Variants in TACO1 observed in about 807,000 individuals in gnomAD.
TACO1 encodes the protein translational activator of cytochrome c oxidase I.
Under a neutral mutation model 24.0 loss-of-function variants are expected in TACO1, and 13 were observed. The ratio of observed to expected loss-of-function variants is 0.54; its 90% CI spans 0.35 to 0.86. The LOEUF (loss-of-function observed/expected upper bound fraction) is 0.86. TACO1 is among the 40% of genes least tolerant of loss of function. The pLI is 0.01. For missense variants in TACO1, 352 were observed against 380.1 expected, an observed-to-expected ratio of 0.93 and a Z score of 0.61; for synonymous variants, 149 against 153.5, an observed-to-expected ratio of 0.97 and a Z score of 0.22.
At chr17:63,607,159 G>A (rs182035214) in intron 3 of TACO1, 128 bp from the exon 4 acceptor site, 27 of 877,508 alleles carry the variant, frequency 3.1e-5, no homozygotes, top group Admixed American at 1.2e-4. Context: ...TTGAGGATGC[G>A]ATCTGCTCCA....
At chr17:63,607,765 C>A in intron 4 of TACO1, 37 bp from the exon 5 acceptor site, 1 of 1,595,760 alleles carries the variant, frequency 6.3e-7, no homozygotes, top group South Asian at 1.1e-5. Context: ...CTCATTACCT[C>A]CTGGCTCCTC....
Position 63,607,840 on chromosome 17 carries a change from G to T in TACO1, c.732G>T (p.Lys244Asn). ...CDASSLHQVRKKLDSLGLCSV... is the reference protein window; with the variant it reads ...CDASSLHQVRNKLDSLGLCSV... ...CCTCTTCACTGCACCAAGTGAGGAA[G>T]AAGCTGGACTCCCTGGGCCTGTGTT... The change falls in exon 5 of 5, where the codon AAG (lysine) becomes AAT (asparagine). Residue 244 changes from lysine (K) to asparagine (N), a missense_variant. Transcript: ENST00000258975. 1.2e-6 allele frequency: 2 copies of T among 1,614,168 alleles called. No homozygotes were observed. Among genetic ancestry groups the T allele is most frequent in the Non-Finnish European group, 1.7e-6 (2 of 1,180,038 alleles).
At chr17:63,605,158 A>G (rs2033853344) in intron 2 of TACO1, among the ~76,000 whole-genome samples, 1 of 152,196 alleles carries the variant, frequency 6.6e-6, no homozygotes, top group Non-Finnish European at 1.5e-5. Flanking sequence ...ATGCAGGGCC[A>G]TACAGTCAAG....
rs1273312988 is a variant in TACO1 at position 63,601,098 on chromosome 17, TGCTGCCAGCCTAAGCAGGGCC to T, written c.22_42del (p.Ser8_Ala14del). Reference sequence around the variant, plus strand: ...GGTCGGGACCGATGTCGGCTTGGGCTGCTGCCAGCCTAAGCAGGGCCGCTGCCCGATGCTTGCTGGCACGAG... The same window carrying T: ...GGTCGGGACCGATGTCGGCTTGGGCTGCTGCCCGATGCTTGCTGGCACGAG... On this transcript the variant is annotated inframe_deletion, in exon 1 of 5. Transcript: ENST00000258975. The T allele has an allele frequency of 7.1e-6, 11 of 1,541,608 alleles. No individual in the cohort carries two copies. Among genetic ancestry groups the T allele is most frequent in the Non-Finnish European group, 8.7e-6 (10 of 1,146,028 alleles).
chr17:63,606,803 C>A (rs1598045764), intron 3 of TACO1: 1 of 366,240 alleles, frequency 2.7e-6, no homozygotes, highest in East Asian at 6.9e-5. Flanking sequence ...CCTGCCTCAG[C>A]CTCCCAAAGT....
At chr17:63,605,511 G>A (rs1024164538) in intron 2 of TACO1, among the ~76,000 whole-genome samples, 8 of 152,178 alleles carry the variant, frequency 5.3e-5, no homozygotes, top group Non-Finnish European at 8.8e-5. Context: ...CAAAACCACC[G>A]TAAGTAGAAA....
At chr17:63,601,721 C>T (rs2033823239) in intron 1 of TACO1, among the ~76,000 whole-genome samples, 1 of 152,208 alleles carries the variant, frequency 6.6e-6, no homozygotes, top group Non-Finnish European at 1.5e-5. Flanking sequence ...AAATCAACCC[C>T]TCTGAAGTCG....
chr17:63,602,090 C>CAA (rs11288092), intron 1 of TACO1, among the ~76,000 whole-genome samples: 3,860 of 84,128 alleles, frequency 0.046, 134 homozygotes, highest in African/African-American at 0.11. Flanking sequence ...CTAAAAATAA[C>CAA]AAAAAAAAAA....
At chr17:63,601,533 G>T (rs780020282) in intron 1 of TACO1, among the ~76,000 whole-genome samples, 170 bp downstream of exon 1, 1 of 152,140 alleles carries the variant, frequency 6.6e-6, no homozygotes, top group Non-Finnish European at 1.5e-5. Flanking sequence ...CCTACCCTAC[G>T]TTGGAGGTTC....
chr17:63,601,397 C>T (rs981541282), intron 1 of TACO1, 34 bp downstream of exon 1: 7 of 1,607,286 alleles, frequency 4.4e-6, no homozygotes, highest in Admixed American at 1.7e-5. Flanking sequence ...CACTGGCTGC[C>T]GCTGCCCTCT....
At chr17:63,603,721 A>AG (rs2033839795) in intron 1 of TACO1, among the ~76,000 whole-genome samples, 1 of 141,284 alleles carries the variant, frequency 7.1e-6, no homozygotes, top group Non-Finnish European at 1.5e-5. Flanking sequence ...GTCTCAAAAA[A>AG]AAGGTCTTTT....
intron 1 of TACO1, among the ~76,000 whole-genome samples, chr17:63,603,245 T>A (rs1469021256): frequency 1.3e-5 from 2 of 151,550 alleles, no homozygotes; most frequent in Non-Finnish European, 2.9e-5. Context: ...CAAAAAATAA[T>A]AATAAAAATA....
In TACO1 at chr17:63,601,077, G is replaced by C; in HGVS notation, c.-7G>C. The C allele has an allele frequency of 1.3e-6, 2 of 1,540,154 alleles. No homozygotes were observed. The stretch of plus-strand genomic sequence containing the variant: ...TGCTAGCAGCTTGAACCCCAGGGTC[G>C]GGACCGATGTCGGCTTGGGCTGCTG... On this transcript the variant is annotated 5_prime_UTR_variant, in exon 1 of 5. Coordinates refer to ENST00000258975, the MANE Select transcript of TACO1 (RefSeq NM_016360.4).
rs893825681 is a variant in TACO1 at position 63,607,380 on chromosome 17, A to C, written c.609A>C (p.Leu203=). ...VEDREKKAVN[L]ERALEMAIEA... The stretch of plus-strand genomic sequence containing the variant: ...ACAGAGAGAAGAAGGCTGTGAACCT[A>C]GAGCGTGCCCTGGAGATGGCAATCG... The change falls in exon 4 of 5, where the codon CTA becomes CTC. Residue 203 remains leucine (L), a synonymous_variant. Transcript: ENST00000258975. The C allele has an allele frequency of 2.5e-6, 4 of 1,614,224 alleles. No individual in the cohort carries two copies. Among genetic ancestry groups the C allele is most frequent in the Non-Finnish European group, 3.4e-6 (4 of 1,180,036 alleles).
chr17:63,607,485 G>A lies in TACO1; in HGVS notation c.693+21G>A, dbSNP rs2033871917. 5.0e-6 allele frequency: 8 copies of A among 1,613,954 alleles called. No homozygotes were observed. In the East Asian group the frequency reaches 1.8e-4, roughly 36 times the overall value. On this transcript the variant is annotated intron_variant, in intron 4 of 4. Transcript: ENST00000258975. Reference sequence around the variant, plus strand: ...TTAAAGTAAGCATGAAAACATGGGTGTTTGGTGGGCTTCCGGGAGGACCCT... The same window carrying A: ...TTAAAGTAAGCATGAAAACATGGGTATTTGGTGGGCTTCCGGGAGGACCCT...
At chr17:63,602,105 A>AC (rs1467063928) in intron 1 of TACO1, among the ~76,000 whole-genome samples, 2 of 150,696 alleles carry the variant, frequency 1.3e-5, no homozygotes, top group Non-Finnish European at 3.0e-5. Context: ...AAAAAAAAAA[A>AC]AAAAAACAGC....
intron 2 of TACO1, among the ~76,000 whole-genome samples, chr17:63,605,780 G>A (rs1361544636): frequency 6.6e-6 from 1 of 152,174 alleles, no homozygotes; most frequent in Non-Finnish European, 1.5e-5. Context: ...TTGGAGTGGG[G>A]AATATTGAAT....
chr17:63,602,936 C>T (rs569854844), intron 1 of TACO1, among the ~76,000 whole-genome samples: 2 of 152,268 alleles, frequency 1.3e-5, no homozygotes, highest in African/African-American at 4.8e-5. Context: ...GTGAACATTT[C>T]AATAATTATG....
At chr17:63,603,676 A>G (rs2033839335) in intron 1 of TACO1, among the ~76,000 whole-genome samples, 1 of 151,888 alleles carries the variant, frequency 6.6e-6, no homozygotes, top group South Asian at 2.1e-4. Context: ...AGATCATGCC[A>G]CTGCACTCCA....
Sources: gnomAD v4.1 joint callset for allele counts (sites outside exome capture counted in the v4.1 genomes callset) on GRCh38, gnomAD v4.1.1 for gene constraint, MANE v1.5 for transcripts, NCBI Gene and HGNC (gene_info 2026-07-23, HGNC 2026-07-21) for gene names.